Variants in PITPNC1 observed in about 807,000 individuals in gnomAD.
The protein encoded by PITPNC1 is cytoplasmic phosphatidylinositol transfer protein 1.
Under a neutral mutation model 44.7 loss-of-function variants are expected in PITPNC1, and 18 were observed. The ratio of observed to expected loss-of-function variants is 0.40; its 90% CI spans 0.28 to 0.60. The LOEUF (loss-of-function observed/expected upper bound fraction) is 0.60. Ranked by LOEUF, PITPNC1 falls within the 20% of genes least tolerant of loss-of-function variation. The probability of loss-of-function intolerance (pLI) is 0.39; values close to 1 mark genes in which losing one functional copy is unlikely to be tolerated. For missense variants in PITPNC1, 290 were observed against 418.4 expected, an observed-to-expected ratio of 0.69 and a Z score of 2.68; for synonymous variants, 141 against 149.6, an observed-to-expected ratio of 0.94 and a Z score of 0.42.
chr17:67,425,187 GCGCGCGCACGCACACGCACACACACA>G (rs1422512429), intron 1 of PITPNC1, among the ~76,000 whole-genome samples: 3 of 36,438 alleles, frequency 8.2e-5, no homozygotes, highest in Non-Finnish European at 9.6e-5. Flanking sequence ...GCCATGTTGT[GCGCGCGCACGCACACGCACACACACA>G]CACACACACA....
rs375272132 is a variant in PITPNC1 at position 67,550,421 on chromosome 17, A to G, written c.198-1836A>G. Among the ~76,000 whole-genome samples the G allele has an allele frequency of 4.6e-5, 7 of 151,882 alleles. 1 individual carries two copies. Among genetic ancestry groups the G allele is most frequent in the African/African-American group, 1.7e-4 (7 of 41,508 alleles). On this transcript the variant is annotated intron_variant, in intron 2 of 8. Transcript: ENST00000581322. ...TCAAAAGCCAGGCCTGGTTACTGTC[A>G]GAAATAAGAGAAACAACTGGAAAAG...
At chr17:67,670,736 G>C (rs1162750741) in intron 7 of PITPNC1, among the ~76,000 whole-genome samples, 1 of 118,230 alleles carries the variant, frequency 8.5e-6, no homozygotes. Flanking sequence ...GGGTGACAGA[G>C]CAAGACTCCA....
At chr17:67,500,642 ATC>A (rs1234780301) in intron 1 of PITPNC1, among the ~76,000 whole-genome samples, 1 of 141,796 alleles carries the variant, frequency 7.1e-6, no homozygotes, top group Non-Finnish European at 1.5e-5. Context: ...TTTGAATTAT[ATC>A]TCAATTTTTT....
At chr17:67,599,034 ATTTTTTTTT>A (rs1160152426) in intron 5 of PITPNC1, among the ~76,000 whole-genome samples, 49 of 35,642 alleles carry the variant, frequency 1.4e-3, no homozygotes, top group South Asian at 6.6e-3. Context: ...ATATATATAT[ATTTTTTTTT>A]TTTTTTTTTT....
At position 67,692,586 on chromosome 17, in the gene PITPNC1, G is replaced by A. The variant is rs1486237954; in HGVS notation, c.697G>A (p.Glu233Lys). 2 of 1,612,764 alleles carry A rather than the reference G, an allele frequency of 1.2e-6. No individual in the cohort carries two copies. The highest frequency in any genetic ancestry group is 1.7e-6 in the Non-Finnish European group (2 of 1,178,882). Residue 233 changes from glutamate (E) to lysine (K), a missense_variant, in exon 9 of 9, where the codon GAA becomes AAA. By Grantham distance (56) the Glu-to-Lys change is moderately conservative (BLOSUM62 1). Coordinates refer to ENST00000581322, the MANE Select transcript of PITPNC1 (RefSeq NM_012417.4). ...VDEWYDMTMDEVREFERATQE... is the reference protein window; with the variant it reads ...VDEWYDMTMDKVREFERATQE... Reference sequence around the variant, plus strand: ...TCTCCTTGAAGACATGACAATGGATGAAGTCCGAGAATTTGAACGAGCCAC... The same window carrying A: ...TCTCCTTGAAGACATGACAATGGATAAAGTCCGAGAATTTGAACGAGCCAC...
chr17:67,404,956 C>T (rs1423627593), intron 1 of PITPNC1, among the ~76,000 whole-genome samples: 1 of 151,954 alleles, frequency 6.6e-6, no homozygotes, highest in Admixed American at 6.6e-5. Flanking sequence ...CATTTAAATT[C>T]AGATTTAGGG....
chr17:67,532,372 T>C (rs2144127894), intron 1 of PITPNC1, among the ~76,000 whole-genome samples: 1 of 152,238 alleles, frequency 6.6e-6, no homozygotes, highest in East Asian at 1.9e-4. Context: ...AGATGATATC[T>C]AATGCTCCCT....
intron 5 of PITPNC1, among the ~76,000 whole-genome samples, chr17:67,602,631 T>G (rs1244166431): frequency 6.6e-6 from 1 of 152,046 alleles, no homozygotes; most frequent in African/African-American, 2.4e-5. Flanking sequence ...ATAACAGCAG[T>G]CATCATCAAT....
At chr17:67,579,676 C>T (rs370431582) in intron 5 of PITPNC1, among the ~76,000 whole-genome samples, 2 of 142,416 alleles carry the variant, frequency 1.4e-5, no homozygotes, top group East Asian at 2.0e-4. Context: ...CGGTAGCTCA[C>T]GCCTGTAATC....
At chr17:67,575,299 C>T (rs1391856720) in intron 4 of PITPNC1, among the ~76,000 whole-genome samples, 1 of 152,166 alleles carries the variant, frequency 6.6e-6, no homozygotes, top group South Asian at 2.1e-4. Context: ...TTGAGATGAG[C>T]AGCTGCTCCT....
Position 67,578,094 on chromosome 17 carries a change from A to T in PITPNC1, c.295-92A>T, listed in dbSNP as rs2144230948. Reference sequence around the variant, plus strand: ...TTTCTGTTCCGGGACGGTGCTTGCAACCAAATGGCCAGGAAAGTATTCAGA... The same window carrying T: ...TTTCTGTTCCGGGACGGTGCTTGCATCCAAATGGCCAGGAAAGTATTCAGA... On this transcript the variant is annotated intron_variant, in intron 4 of 8. Transcript: ENST00000581322. The T allele has an allele frequency of 6.9e-6, 6 of 871,356 alleles. No homozygotes were observed. In the East Asian group the frequency reaches 1.5e-4, roughly 22 times the overall value. The allele number at this position is 871,356 out of a possible 1,614,324, so 54.0% of individuals were successfully genotyped here. A position where few individuals can be genotyped will look rare whatever the true frequency, so the allele number is the denominator to read the frequency against.
chr17:67,487,610 T>G (rs35362691), intron 1 of PITPNC1, among the ~76,000 whole-genome samples: 7,837 of 152,290 alleles, frequency 0.051, 273 homozygotes, highest in Middle Eastern at 0.12. Context: ...CAACTTCTGT[T>G]GAATGATTGA....
chr17:67,537,194 A>T (rs111588319), intron 2 of PITPNC1, among the ~76,000 whole-genome samples: 1 of 152,230 alleles, frequency 6.6e-6, no homozygotes, highest in Non-Finnish European at 1.5e-5. Context: ...TGTTATTACC[A>T]TGTCTATCCA....
chr17:67,627,634 AGTTTT>A, intron 5 of PITPNC1, among the ~76,000 whole-genome samples: 1 of 152,298 alleles, frequency 6.6e-6, no homozygotes, highest in South Asian at 2.1e-4. Flanking sequence ...TGCAGGTAGC[AGTTTT>A]GATTGATGTT....
intron 1 of PITPNC1, among the ~76,000 whole-genome samples, chr17:67,498,836 G>A (rs977267516): frequency 4.6e-5 from 7 of 150,638 alleles, no homozygotes; most frequent in Non-Finnish European, 7.4e-5. Context: ...GTACTCACTA[G>A]TCACTTGTGT....
rs565907208 is a variant in PITPNC1, at chr17:67,586,940, G to T, written c.366+8683G>T. 1.1e-4 allele frequency among the ~76,000 whole-genome samples: 17 copies of T among 152,266 alleles called. No homozygotes were observed. In the East Asian group the frequency reaches 1.3e-3, roughly 12 times the overall value. Reference sequence around the variant, plus strand: ...CTGGAAAGATGGCAGAGGATAAAGAGGGGAGGAAGGGATCTATTTTGAAAA... The same window carrying T: ...CTGGAAAGATGGCAGAGGATAAAGATGGGAGGAAGGGATCTATTTTGAAAA... On this transcript the variant is annotated intron_variant, in intron 5 of 8. Transcript: ENST00000581322.
chr17:67,544,635 G>A (rs545264434), intron 2 of PITPNC1, among the ~76,000 whole-genome samples: 5 of 152,352 alleles, frequency 3.3e-5, no homozygotes, highest in East Asian at 3.9e-4. Context: ...TGCCTTCCAC[G>A]GCAATGTCTC....
chr17:67,495,201 C>T (rs927471729), intron 1 of PITPNC1, among the ~76,000 whole-genome samples: 1 of 151,234 alleles, frequency 6.6e-6, no homozygotes, highest in East Asian at 2.0e-4. Context: ...GGGCTACAGG[C>T]GCTCGCCACC....
At chr17:67,674,131 T>A (rs1294776282) in intron 7 of PITPNC1, among the ~76,000 whole-genome samples, 1 of 152,124 alleles carries the variant, frequency 6.6e-6, no homozygotes, top group African/African-American at 2.4e-5. Context: ...GAATGGGGTA[T>A]CCATCCCCTC....
Sources: gnomAD v4.1 joint callset for allele counts (sites outside exome capture counted in the v4.1 genomes callset) on GRCh38, gnomAD v4.1.1 for gene constraint, MANE v1.5 for transcripts, NCBI Gene and HGNC (gene_info 2026-07-23, HGNC 2026-07-21) for gene names.